Variants in MED12L observed in about 807,000 individuals in gnomAD.
MED12L encodes mediator complex subunit 12L, also known as mediator of RNA polymerase II transcription subunit 12-like protein.
MED12L carries 60 observed loss-of-function variants against 281.3 expected under a neutral mutation model. That is an observed-to-expected ratio of 0.21 (90% confidence interval 0.17 to 0.26). The LOEUF (loss-of-function observed/expected upper bound fraction) is 0.26. Ranked by LOEUF, MED12L falls within the 10% of genes least tolerant of loss-of-function variation. The pLI is 1.00. For missense variants in MED12L, 2,146 were observed against 2,680.9 expected, an observed-to-expected ratio of 0.80 and a Z score of 4.41; for synonymous variants, 974 against 987.2, an observed-to-expected ratio of 0.99 and a Z score of 0.25.
intron 41 of MED12L, among the ~76,000 whole-genome samples, chr3:151,412,418 T>C (rs555839501): frequency 6.6e-6 from 1 of 152,328 alleles, no homozygotes; most frequent in African/African-American, 2.4e-5. Flanking sequence ...GCAGCCATCA[T>C]AGAAAGTTCT....
rs190929035 is a variant in MED12L at position 151,250,291 on chromosome 3, T to C, written c.2250+56625T>C. On this transcript the variant is annotated intron_variant, in intron 16 of 44. Coordinates refer to ENST00000687756, the MANE Select transcript of MED12L (RefSeq NM_001393769.1). ...TTTTGGGATTGTGGTGAAATACACA[T>C]AACATTTGCCACCTTAACTATTTTT... Among the ~76,000 whole-genome samples, 135 of 152,352 alleles carry C rather than the reference T, an allele frequency of 8.9e-4. No individual in the cohort carries two copies. The East Asian group carries it at 0.021, about 24-fold the overall frequency.
At chr3:151,396,936 A>T (rs771560281) in intron 39 of MED12L, among the ~76,000 whole-genome samples, 7 of 152,208 alleles carry the variant, frequency 4.6e-5, no homozygotes, top group African/African-American at 1.4e-4. Flanking sequence ...AATCAAAGAT[A>T]TCCTTGCATA....
At chr3:151,341,339 T>A (rs1173433140) in intron 16 of MED12L, among the ~76,000 whole-genome samples, 1 of 152,186 alleles carries the variant, frequency 6.6e-6, no homozygotes, top group African/African-American at 2.4e-5. Context: ...ATTGTATCCA[T>A]TGCCAGGCTT....
rs74453388 is a variant in MED12L, at chr3:151,096,659, G to T, written c.99+9634G>T. On this transcript the variant is annotated intron_variant, in intron 2 of 44. Coordinates refer to ENST00000687756, the MANE Select transcript of MED12L (RefSeq NM_001393769.1). ...AGATTCTGTAGGTCTGCTATTTTGG[G>T]GGGGGAAGCCATGCATGTTTATAGC... Among the ~76,000 whole-genome samples the T allele has an allele frequency of 9.2e-5, 14 of 152,292 alleles. No individual in the cohort carries two copies. In the South Asian group the frequency reaches 1.4e-3, roughly 16 times the overall value.
At chr3:151,122,634 C>CT (rs1713930022) in intron 3 of MED12L, 149 bp from the exon 4 acceptor site, 2 of 557,810 alleles carry the variant, frequency 3.6e-6, no homozygotes, top group Admixed American at 7.3e-5. Context: ...AATCACATCT[C>CT]TTGGCTTCAA....
At chr3:151,391,034 C>A (rs1311046885) in intron 38 of MED12L, among the ~76,000 whole-genome samples, 1 of 152,108 alleles carries the variant, frequency 6.6e-6, no homozygotes, top group African/African-American at 2.4e-5. Context: ...ATGCTAATAC[C>A]TATTCCCATA....
chr3:151,356,306 C>G (rs1299255180), intron 19 of MED12L, among the ~76,000 whole-genome samples: 1 of 152,018 alleles, frequency 6.6e-6, no homozygotes, highest in Non-Finnish European at 1.5e-5. Context: ...GCAGGAGACT[C>G]ACTTAAGCCC....
intron 16 of MED12L, chr3:151,214,420 A>C: frequency 1.0e-6 from 1 of 970,720 alleles, no homozygotes; most frequent in Non-Finnish European, 1.5e-6. Flanking sequence ...GCAAAGGGCA[A>C]TGAATATAGT....
chr3:151,430,388 C>G lies in MED12L; in HGVS notation c.6490+8C>G, dbSNP rs768838297. ...TCCAGAAGCAGCTTTCCAGTAAGTA[C>G]CCCTGTGTGTCATGGAACAGACAGC... is the stretch of plus-strand genomic sequence containing the variant. On this transcript the variant is annotated splice_region_variant and intron_variant, in intron 44 of 44. Coordinates refer to ENST00000687756, the MANE Select transcript of MED12L (RefSeq NM_001393769.1). 1 of 1,613,998 alleles carries G rather than the reference C, an allele frequency of 6.2e-7. No individual in the cohort carries two copies. The highest frequency in any genetic ancestry group is 1.1e-5 in the South Asian group (1 of 91,064).
At chr3:151,281,544 G>T (rs1435757694) in intron 16 of MED12L, among the ~76,000 whole-genome samples, 1 of 152,056 alleles carries the variant, frequency 6.6e-6, no homozygotes, top group African/African-American at 2.4e-5. Flanking sequence ...ATAATAGAGG[G>T]CCTGGTCCTT....
chr3:151,161,410 A>C (rs1719963696), intron 8 of MED12L, among the ~76,000 whole-genome samples: 1 of 152,152 alleles, frequency 6.6e-6, no homozygotes, highest in South Asian at 2.1e-4. Flanking sequence ...AGGTTGCCTG[A>C]AGAATTTTGT....
intron 11 of MED12L, among the ~76,000 whole-genome samples, chr3:151,175,875 T>G (rs776254805): frequency 1.3e-5 from 2 of 152,220 alleles, no homozygotes; most frequent in Non-Finnish European, 1.5e-5. Context: ...CATAATTAAT[T>G]CTTTTACTAT....
At chr3:151,425,577 T>TGC in intron 43 of MED12L, 2 of 450,544 alleles carry the variant, frequency 4.4e-6, no homozygotes, top group East Asian at 7.0e-5. Flanking sequence ...TGTGTGTGTG[T>TGC]GTGTGTGTCT....
intron 3 of MED12L, among the ~76,000 whole-genome samples, chr3:151,122,275 A>G (rs1242928781): frequency 1.3e-5 from 2 of 152,214 alleles, no homozygotes; most frequent in Non-Finnish European, 2.9e-5. Context: ...TTTTCCATTT[A>G]AATAAATTAA....
chr3:151,237,350 C>CTTTTTT (rs57239604), intron 16 of MED12L, among the ~76,000 whole-genome samples: 3 of 94,598 alleles, frequency 3.2e-5, no homozygotes, highest in South Asian at 4.3e-4. Context: ...TTTTTTTTTT[C>CTTTTTT]TTTTTTTTTT....
intron 16 of MED12L, among the ~76,000 whole-genome samples, chr3:151,205,686 CTG>C (rs1726248829): frequency 6.6e-6 from 1 of 152,062 alleles, no homozygotes; most frequent in African/African-American, 2.4e-5. Context: ...GATGGGGAAA[CTG>C]TGGTGCAGAG....
At chr3:151,136,681 A>G (rs1716182193) in intron 5 of MED12L, among the ~76,000 whole-genome samples, 1 of 152,156 alleles carries the variant, frequency 6.6e-6, no homozygotes, top group South Asian at 2.1e-4. Flanking sequence ...TGGAATAGTT[A>G]TTTCTTTGGG....
chr3:151,267,879 G>A (rs1304194583), intron 16 of MED12L, among the ~76,000 whole-genome samples: 2 of 152,134 alleles, frequency 1.3e-5, no homozygotes, highest in African/African-American at 4.8e-5. Flanking sequence ...CAGTGTTTGA[G>A]AATAGCTTTT....
At chr3:151,156,880 A>T (rs544049645) in intron 6 of MED12L, among the ~76,000 whole-genome samples, 1 of 152,280 alleles carries the variant, frequency 6.6e-6, no homozygotes, top group East Asian at 1.9e-4. Context: ...AAGAGAGATG[A>T]CTTCAGTTCA....
Sources: allele counts gnomAD v4.1 joint callset (sites outside exome capture counted in the v4.1 genomes callset), GRCh38; gene constraint gnomAD v4.1.1; transcripts MANE v1.5; gene names NCBI Gene and HGNC (gene_info 2026-07-23, HGNC 2026-07-21).